STAT5B: variants seen among roughly 807,000 people sequenced by gnomAD.
The protein encoded by STAT5B is transcription factor STAT5B.
Under a neutral mutation model 107.8 loss-of-function variants are expected in STAT5B, and 21 were observed. The ratio of observed to expected loss-of-function variants is 0.19; its 90% confidence interval spans 0.14 to 0.28. STAT5B has a LOEUF of 0.28. Among genes scored for constraint, STAT5B ranks in the 10% least tolerant of loss-of-function variants. The pLI is 1.00. For synonymous variants in STAT5B, 325 were observed against 401.7 expected (o/e 0.81, Z 2.28); for missense variants, 565 against 1,008.2 (o/e 0.56, Z 5.95).
At chr17:42,284,667 C>T in the STAT5B span, among the ~76,000 whole-genome samples, 2 of 152,268 alleles carry the variant, frequency 1.3e-5, no homozygotes, top group South Asian at 2.1e-4. Flanking sequence ...GTAGGCTGGG[C>T]GAGAATGGAG....
At chr17:42,251,059 A>T (rs1042077026) in intron 1 of STAT5B, among the ~76,000 whole-genome samples, 1 of 152,040 alleles carries the variant, frequency 6.6e-6, no homozygotes, top group Non-Finnish European at 1.5e-5. Context: ...ATACAAAAAG[A>T]TTATTTGACA....
chr17:42,232,256 T>G, intron 1 of STAT5B, 119 bp from the exon 2 acceptor site: 1 of 1,081,236 alleles, frequency 9.2e-7, no homozygotes, highest in Non-Finnish European at 1.2e-6. Flanking sequence ...TTTATTTTTA[T>G]TTTTATTTTT....
At chr17:42,267,424 G>A (rs1446681996) in intron 1 of STAT5B, among the ~76,000 whole-genome samples, 1 of 152,212 alleles carries the variant, frequency 6.6e-6, no homozygotes, top group African/African-American at 2.4e-5. Flanking sequence ...GCAAGACAGT[G>A]ATACTGATGA....
intron 1 of STAT5B, among the ~76,000 whole-genome samples, chr17:42,244,137 A>C (rs60137456): frequency 6.7e-6 from 1 of 149,446 alleles, no homozygotes; most frequent in South Asian, 2.1e-4. Flanking sequence ...ACTCAGGCTG[A>C]AGTGCTATGG....
intron 3 of STAT5B, among the ~76,000 whole-genome samples, chr17:42,225,338 T>A (rs1345096624): frequency 6.6e-6 from 1 of 152,106 alleles, no homozygotes; most frequent in African/African-American, 2.4e-5. Flanking sequence ...ACTTTTTGCA[T>A]CTTAATTTGC....
At chr17:42,217,137 G>A (rs761557876) in intron 11 of STAT5B, 23 bp downstream of exon 11, 7 of 1,603,680 alleles carry the variant, frequency 4.4e-6, no homozygotes, top group African/African-American at 4.1e-5. Context: ...ACACGCACAC[G>A]CAGAGCTGAG....
At chr17:42,229,128 G>T (rs1172089407) in intron 2 of STAT5B, among the ~76,000 whole-genome samples, 1 of 152,096 alleles carries the variant, frequency 6.6e-6, no homozygotes, top group African/African-American at 2.4e-5. Context: ...GTTTCAACTG[G>T]CAACAATGCC....
At chr17:42,207,471 T>G (rs1416061242) in intron 16 of STAT5B, 87 bp downstream of exon 16, 11 of 1,507,384 alleles carry the variant, frequency 7.3e-6, no homozygotes, top group Admixed American at 3.5e-5. Context: ...ACAAGAGAGA[T>G]AACACACGCA....
intron 5 of STAT5B, among the ~76,000 whole-genome samples, 167 bp from the exon 6 acceptor site, chr17:42,220,009 C>T (rs1200239251): frequency 6.6e-6 from 1 of 152,212 alleles, no homozygotes; most frequent in East Asian, 1.9e-4. Context: ...AATGGGTGCC[C>T]CAGGAGGCGC....
chr17:42,262,839 CAT>C (rs1350946306), intron 1 of STAT5B, among the ~76,000 whole-genome samples: 13 of 100,778 alleles, frequency 1.3e-4, no homozygotes, highest in Admixed American at 4.6e-4. Context: ...TATATACACA[CAT>C]ATATATGTAT....
intron 1 of STAT5B, among the ~76,000 whole-genome samples, chr17:42,259,060 ATAAAGT>A (rs886315293): frequency 7.9e-5 from 12 of 152,366 alleles, no homozygotes; most frequent in African/African-American, 2.6e-4. Flanking sequence ...AGTTTCAAAA[ATAAAGT>A]TAAACAACAC....
In STAT5B at chr17:42,201,749, C is replaced by T. The variant is rs760771231; in HGVS notation, c.2353G>A (p.Ala785Thr). 48 of 1,604,594 alleles carry T rather than the reference C, an allele frequency of 3.0e-5. No individual in the cohort carries two copies. The highest frequency in any genetic ancestry group is 1.5e-4 in the South Asian group (14 of 90,882). Residue 785 changes from alanine to threonine, a missense_variant, in exon 19 of 19, where the codon GCA (alanine) becomes ACA (threonine). Ala to Thr is a moderately conservative substitution (Grantham distance 58). Transcript: ENST00000293328. ...RPMDSQWIPH[A>T]QS ...GAGAGGTCGCGGGGTCACGATTGTG[C>T]GTGCGGGATCCACTGACTGTCCATT...
intron 1 of STAT5B, among the ~76,000 whole-genome samples, chr17:42,238,670 C>T (rs917132368): frequency 6.6e-6 from 1 of 151,298 alleles, no homozygotes; most frequent in Non-Finnish European, 1.5e-5. Context: ...CCAGGCTGGT[C>T]TTGAACTTCT....
chr17:42,229,055 T>G (rs1035414836), intron 2 of STAT5B, among the ~76,000 whole-genome samples: 7 of 152,238 alleles, frequency 4.6e-5, no homozygotes, highest in African/African-American at 1.4e-4. Context: ...GTGTGCCCTA[T>G]GTATTAAATA....
At position 42,224,759 on chromosome 17, in the gene STAT5B, C is replaced by T. The variant is rs2080258921; in HGVS notation, c.375+20G>A. 6.2e-7 allele frequency: 1 copy of T among 1,613,042 alleles called. No individual in the cohort carries two copies. The highest frequency in any genetic ancestry group is 1.7e-5 in the Admixed American group (1 of 59,976). On this transcript the variant is annotated intron_variant, in intron 4 of 18. Coordinates refer to ENST00000293328, the MANE Select transcript of STAT5B (RefSeq NM_012448.4). ...GAAAAGACTTCCCGACTGCCCTCCC[C>T]ATCCCTATGGGACACTCACATTGTT...
At chr17:42,242,094 C>T (rs2080408523) in intron 1 of STAT5B, among the ~76,000 whole-genome samples, 1 of 151,918 alleles carries the variant, frequency 6.6e-6, no homozygotes, top group African/African-American at 2.4e-5. Flanking sequence ...ATGTCACAGC[C>T]AAATCACTGC....
At chr17:42,229,970 A>T (rs904725354) in intron 2 of STAT5B, among the ~76,000 whole-genome samples, 1 of 152,228 alleles carries the variant, frequency 6.6e-6, no homozygotes. Flanking sequence ...AAGTCTTTTA[A>T]TTCATTCAGT....
intron 1 of STAT5B, among the ~76,000 whole-genome samples, chr17:42,240,689 C>G (rs1039106249): frequency 1.3e-5 from 2 of 152,156 alleles, no homozygotes; most frequent in Non-Finnish European, 2.9e-5. Context: ...AGGGTCGGTC[C>G]ATACTACTAA....
chr17:42,267,400 C>G lies in STAT5B; in HGVS notation c.-11+8848G>C, dbSNP rs368894693. Among the ~76,000 whole-genome samples, 56 of 152,254 alleles carry G rather than the reference C, an allele frequency of 3.7e-4. No individual in the cohort carries two copies. The East Asian group carries it at 4.8e-3, about 13-fold the overall frequency. On this transcript the variant is annotated intron_variant, in intron 1 of 18. Transcript: ENST00000293328. ...TGCCCCTGAAGACCTTTCAGTGGAA[C>G]AAGATGTGGAGGTGCAAGACAGTGA...
Sources: allele counts gnomAD v4.1 joint callset (sites outside exome capture counted in the v4.1 genomes callset), GRCh38; gene constraint gnomAD v4.1.1; transcripts MANE v1.5; gene names NCBI Gene and HGNC (gene_info 2026-07-23, HGNC 2026-07-21).